Variants in KLF12 observed in about 807,000 individuals in gnomAD.
KLF12 encodes the protein Krueppel-like factor 12.
A neutral mutation model predicts 37.8 loss-of-function variants in KLF12; 9 were observed. The observed-to-expected ratio is 0.24, with a 90% confidence interval of 0.14 to 0.42. KLF12 has a LOEUF of 0.42. Among genes scored for constraint, KLF12 ranks in the 10% least tolerant of loss-of-function variants. The pLI, the probability that KLF12 is intolerant of heterozygous loss-of-function variation, is 1.00. For synonymous variants in KLF12, 208 were observed against 202.1 expected (o/e 1.03, Z -0.25); for missense variants, 411 against 516.0 (o/e 0.80, Z 1.97).
intron 4 of KLF12, among the ~76,000 whole-genome samples, chr13:73,824,077 C>G (rs949520764): frequency 6.6e-6 from 1 of 152,096 alleles, no homozygotes; most frequent in Non-Finnish European, 1.5e-5. Flanking sequence ...ACACCCTGAA[C>G]ACGTTTCCAT....
chr13:73,892,497 G>T (rs1185066939), intron 3 of KLF12, among the ~76,000 whole-genome samples: 1 of 152,074 alleles, frequency 6.6e-6, no homozygotes, highest in Admixed American at 6.6e-5. Flanking sequence ...ACTCTAGCAG[G>T]TATTTAAGTA....
intron 3 of KLF12, among the ~76,000 whole-genome samples, chr13:73,903,040 ATTATCT>A (rs1888108186): frequency 2.0e-5 from 3 of 152,326 alleles, no homozygotes; most frequent in South Asian, 4.1e-4. Flanking sequence ...GCACTGATAA[ATTATCT>A]TTATAATTAT....
At chr13:73,786,355 TA>T (rs1881342618) in intron 5 of KLF12, among the ~76,000 whole-genome samples, 1 of 152,164 alleles carries the variant, frequency 6.6e-6, no homozygotes, top group South Asian at 2.1e-4. Context: ...CCTAGTTCAA[TA>T]ACCATCAAGG....
intron 5 of KLF12, among the ~76,000 whole-genome samples, chr13:73,766,501 T>C (rs1879923562): frequency 6.6e-6 from 1 of 152,164 alleles, no homozygotes; most frequent in African/African-American, 2.4e-5. Context: ...TGAAATACAA[T>C]CCTTAAAATG....
At chr13:74,062,856 G>A (rs1311465136) in intron 1 of KLF12, among the ~76,000 whole-genome samples, 1 of 152,164 alleles carries the variant, frequency 6.6e-6, no homozygotes, top group Admixed American at 6.5e-5. Flanking sequence ...CTAACCCACA[G>A]GAACCTATTT....
intron 5 of KLF12, among the ~76,000 whole-genome samples, chr13:73,786,364 A>G (rs1325853145): frequency 6.6e-6 from 1 of 152,152 alleles, no homozygotes; most frequent in Non-Finnish European, 1.5e-5. Flanking sequence ...ATAACCATCA[A>G]GGGGGTTCTC....
At chr13:73,787,047 A>T (rs1274294078) in intron 5 of KLF12, among the ~76,000 whole-genome samples, 1 of 152,222 alleles carries the variant, frequency 6.6e-6, no homozygotes, top group East Asian at 1.9e-4. Context: ...AACAGACTGG[A>T]TACATGGTAT....
At chr13:73,810,309 A>G (rs1882857482) in intron 5 of KLF12, among the ~76,000 whole-genome samples, 2 of 152,184 alleles carry the variant, frequency 1.3e-5, no homozygotes, top group Non-Finnish European at 2.9e-5. Flanking sequence ...GGTTTCTATT[A>G]AACAGTTACA....
chr13:74,069,832 G>A (rs1477914131), intron 1 of KLF12, among the ~76,000 whole-genome samples: 1 of 152,150 alleles, frequency 6.6e-6, no homozygotes, highest in Non-Finnish European at 1.5e-5. Context: ...TGGTTCCTAG[G>A]TTTAGGAATG....
chr13:73,743,427 C>T (rs1050528592), intron 6 of KLF12, among the ~76,000 whole-genome samples: 4 of 152,186 alleles, frequency 2.6e-5, no homozygotes, highest in African/African-American at 9.7e-5. Flanking sequence ...GCTGTCTGAT[C>T]AGTGCTATCT....
At chr13:73,946,032 T>C (rs1890408439) in intron 2 of KLF12, among the ~76,000 whole-genome samples, 1 of 152,076 alleles carries the variant, frequency 6.6e-6, no homozygotes, top group South Asian at 2.1e-4. Context: ...CACCATCCAG[T>C]CTCAGGAAAG....
intron 3 of KLF12, among the ~76,000 whole-genome samples, chr13:73,939,774 G>A (rs1321567739): frequency 4.6e-5 from 7 of 152,166 alleles, no homozygotes; most frequent in African/African-American, 1.7e-4. Flanking sequence ...GACCCACACA[G>A]CTGGTACCAG....
intron 1 of KLF12, among the ~76,000 whole-genome samples, chr13:73,997,749 A>C (rs936557777): frequency 3.9e-5 from 6 of 152,228 alleles, no homozygotes; most frequent in African/African-American, 1.4e-4. Context: ...CTCATGACGC[A>C]TGGTTTTGGT....
At position 73,774,911 on chromosome 13, in the gene KLF12, G is replaced by A. The variant is rs775701591; in HGVS notation, c.807-9911C>T. 1.6e-4 allele frequency among the ~76,000 whole-genome samples: 23 copies of A among 143,160 alleles called. No homozygotes were observed. In the South Asian group the frequency reaches 4.0e-3, roughly 25 times the overall value. 93.9% of individuals were successfully genotyped at this position (143,160 alleles called of 152,430 possible). On this transcript the variant is annotated intron_variant, in intron 5 of 7. Transcript: ENST00000377669. ...TGTGCATATATATGTACCTTCTCTC[G>A]CATTCTTTTTTTTTTTTTTTTTTTA...
At chr13:74,096,955 A>G (rs1241371783) in intron 1 of KLF12, among the ~76,000 whole-genome samples, 1 of 152,168 alleles carries the variant, frequency 6.6e-6, no homozygotes, top group African/African-American at 2.4e-5. Flanking sequence ...TTTGTTAGAA[A>G]CATCAGGTCA....
Position 73,690,326 on chromosome 13 carries a change from CA to C in KLF12, c.*5163del, listed in dbSNP as rs1873746666. The C allele has an allele frequency of 6.6e-6, 1 of 152,560 alleles. No homozygotes were observed. Among genetic ancestry groups the C allele is most frequent in the South Asian group, 2.1e-4 (1 of 4,830 alleles). 9.5% of individuals were successfully genotyped at this position (152,560 alleles called of 1,614,324 possible). On this transcript the variant is annotated 3_prime_UTR_variant, in exon 8 of 8. Transcript: ENST00000377669. ...TTCCTTTAACACGTGGCCATATCCA[CA>C]GCACTTAATCTTGTCAACATGTAGT... is the stretch of plus-strand genomic sequence containing the variant.
At chr13:74,297,279 C>T in the KLF12 span, among the ~76,000 whole-genome samples, 1 of 152,100 alleles carries the variant, frequency 6.6e-6, no homozygotes, top group Non-Finnish European at 1.5e-5. Flanking sequence ...GTTGCAGGGC[C>T]TATTAAGAGA....
At chr13:73,913,300 T>C in intron 3 of KLF12, among the ~76,000 whole-genome samples, 1 of 152,234 alleles carries the variant, frequency 6.6e-6, no homozygotes, top group East Asian at 1.9e-4. Flanking sequence ...TAGGGTTTCC[T>C]TCCTTGGAGA....
At chr13:74,158,809 G>T in the KLF12 span, among the ~76,000 whole-genome samples, 1 of 152,122 alleles carries the variant, frequency 6.6e-6, no homozygotes, top group Admixed American at 6.5e-5. Flanking sequence ...CTGACACATA[G>T]GTCGTTTGCA....
Sources: allele counts gnomAD v4.1 joint callset (sites outside exome capture counted in the v4.1 genomes callset), GRCh38; gene constraint gnomAD v4.1.1; transcripts MANE v1.5; gene names NCBI Gene and HGNC (gene_info 2026-07-23, HGNC 2026-07-21).